The following WAC variants were observed in gnomAD, a reference collection of about 807,000 sequenced individuals.
WAC encodes the protein WW domain-containing adapter protein with coiled-coil.
Under a neutral mutation model 79.6 loss-of-function variants are expected in WAC, and 11 were observed. That is an observed-to-expected ratio of 0.14 (90% confidence interval 0.09 to 0.23). The LOEUF is 0.23. Ranked by LOEUF, WAC falls within the 10% of genes least tolerant of loss-of-function variation. The pLI is 1.00. For missense variants in WAC, 728 were observed against 773.5 expected (o/e 0.94, Z 0.70); for synonymous variants, 304 against 276.9 (o/e 1.10, Z -0.97).
chr10:28,576,768 A>ATC (rs572678484), intron 3 of WAC, among the ~76,000 whole-genome samples: 63 of 152,298 alleles, frequency 4.1e-4, no homozygotes, highest in African/African-American at 1.4e-3. Flanking sequence ...GCTCACCTTC[A>ATC]TGGAGAGCAA....
intron 7 of WAC, among the ~76,000 whole-genome samples, chr10:28,607,475 T>C (rs1841015855): frequency 6.6e-6 from 1 of 152,184 alleles, no homozygotes; most frequent in South Asian, 2.1e-4. Flanking sequence ...AGCTTTCAAA[T>C]AATTTTCCAT....
chr10:28,584,577 G>T (rs1339803705), intron 4 of WAC, among the ~76,000 whole-genome samples: 3 of 152,094 alleles, frequency 2.0e-5, no homozygotes, highest in African/African-American at 7.2e-5. Context: ...GGAAATATAG[G>T]AAAGAATGAA....
chr10:28,609,909 C>A (rs1298722033), intron 8 of WAC, among the ~76,000 whole-genome samples: 2 of 149,562 alleles, frequency 1.3e-5, no homozygotes, highest in Non-Finnish European at 3.0e-5. Flanking sequence ...ATCAAAAATA[C>A]ATGGTATTCC....
At chr10:28,585,908 C>T (rs567786682) in intron 4 of WAC, among the ~76,000 whole-genome samples, 146 of 152,102 alleles carry the variant, frequency 9.6e-4, no homozygotes, top group Middle Eastern at 3.4e-3. Flanking sequence ...AAATAATGGG[C>T]GTAGATAAGC....
Position 28,596,077 on chromosome 10 carries a change from A to G in WAC, c.919+36A>G, listed in dbSNP as rs377550855. On this transcript the variant is annotated intron_variant, in intron 7 of 13. Transcript: ENST00000354911. ...ATTACTAGATGCTGCACGTTGAACT[A>G]TAGTTTCTAAGTTTCTTCTAAGTTT... 24 of 1,565,780 alleles carry G rather than the reference A, an allele frequency of 1.5e-5. No homozygotes were observed. The Admixed American group carries it at 2.9e-4, about 19-fold the overall frequency.
intron 3 of WAC, among the ~76,000 whole-genome samples, chr10:28,564,912 C>T (rs1589162161): frequency 6.6e-6 from 1 of 152,108 alleles, no homozygotes; most frequent in African/African-American, 2.4e-5. Context: ...TGCATGAATA[C>T]GTTAAGGTGA....
intron 3 of WAC, among the ~76,000 whole-genome samples, chr10:28,552,470 A>G (rs1043026645): frequency 1.3e-5 from 2 of 151,720 alleles, no homozygotes; most frequent in African/African-American, 4.8e-5. Flanking sequence ...TCAGTGGAGG[A>G]ATGCAAGGAA....
chr10:28,611,226 G>A (rs1363564080), intron 9 of WAC: 1 of 1,279,640 alleles, frequency 7.8e-7, no homozygotes, highest in South Asian at 1.2e-5. Context: ...TGGATAATAT[G>A]GAAATGCTCA....
At chr10:28,552,006 T>A (rs1236278191) in intron 3 of WAC, among the ~76,000 whole-genome samples, 1 of 152,142 alleles carries the variant, frequency 6.6e-6, no homozygotes, top group African/African-American at 2.4e-5. Flanking sequence ...TTTGTATTTT[T>A]AGTAGAGACA....
At chr10:28,541,130 C>G (rs1254503773) in intron 3 of WAC, among the ~76,000 whole-genome samples, 1 of 151,968 alleles carries the variant, frequency 6.6e-6, no homozygotes, top group Non-Finnish European at 1.5e-5. Flanking sequence ...GAACTGTTTT[C>G]TAGTTGTGCA....
intron 3 of WAC, among the ~76,000 whole-genome samples, chr10:28,556,953 C>G (rs1334739019): frequency 1.3e-5 from 2 of 152,048 alleles, no homozygotes; most frequent in African/African-American, 4.8e-5. Context: ...TTTATTATTA[C>G]CATAGCTTTG....
At chr10:28,566,480 A>T (rs1838621705) in intron 3 of WAC, among the ~76,000 whole-genome samples, 1 of 152,198 alleles carries the variant, frequency 6.6e-6, no homozygotes, top group Non-Finnish European at 1.5e-5. Context: ...GATTTGGTGT[A>T]CACTGTCAGT....
At chr10:28,548,826 G>A (rs1411555130) in intron 3 of WAC, among the ~76,000 whole-genome samples, 1 of 152,134 alleles carries the variant, frequency 6.6e-6, no homozygotes, top group East Asian at 1.9e-4. Flanking sequence ...CACCAGCTAC[G>A]TGTATATTGA....
At position 28,596,147 on chromosome 10, in the gene WAC, TAA is replaced by T. The variant is rs971634975; in HGVS notation, c.919+111_919+112del. ...CCTTTGGCTCTGAATTATAAATTTT[TAA>T]AAAAGTCTTTTAGAATGTTTCTGTG... On this transcript the variant is annotated intron_variant, in intron 7 of 13. Coordinates refer to ENST00000354911, the MANE Select transcript of WAC (RefSeq NM_016628.5). 19 of 1,227,464 alleles carry T rather than the reference TAA, an allele frequency of 1.5e-5. No homozygotes were observed. The African/African-American group carries it at 2.2e-4, about 14-fold the overall frequency. The allele number at this position is 1,227,464 out of a possible 1,614,324, so 76.0% of individuals were successfully genotyped here.
intron 11 of WAC, chr10:28,615,205 C>G (rs748227132): frequency 6.6e-6 from 1 of 152,220 alleles, no homozygotes; most frequent in Non-Finnish European, 1.5e-5. Flanking sequence ...ATTAACAACA[C>G]AACTTTAAAT....
At chr10:28,553,160 A>G (rs962840904) in intron 3 of WAC, among the ~76,000 whole-genome samples, 4 of 152,290 alleles carry the variant, frequency 2.6e-5, no homozygotes, top group East Asian at 1.9e-4. Context: ...CTCTGGATTT[A>G]TTAGGTTTAA....
At chr10:28,561,904 A>G (rs758844737) in intron 3 of WAC, among the ~76,000 whole-genome samples, 1 of 152,180 alleles carries the variant, frequency 6.6e-6, no homozygotes, top group Admixed American at 6.5e-5. Flanking sequence ...GTTTCACCCC[A>G]AAACCATCAA....
In WAC at chr10:28,535,554, T is replaced by A; in HGVS notation, c.79-8T>A. Reference sequence around the variant, plus strand: ...TCTCTCTTTTTTTGGGGGGGTGATGTTTTACAGGCACTTAAGTATTCATCG... The same window carrying A: ...TCTCTCTTTTTTTGGGGGGGTGATGATTTACAGGCACTTAAGTATTCATCG... On this transcript the variant is annotated splice_polypyrimidine_tract_variant and splice_region_variant and intron_variant, in intron 2 of 13. Transcript: ENST00000354911. The A allele has an allele frequency of 6.4e-7, 1 of 1,562,224 alleles. No individual in the cohort carries two copies. The highest frequency in any genetic ancestry group is 8.7e-7 in the Non-Finnish European group (1 of 1,150,894).
intron 8 of WAC, among the ~76,000 whole-genome samples, chr10:28,609,831 A>T (rs979198524): frequency 2.0e-5 from 3 of 152,170 alleles, no homozygotes; most frequent in African/African-American, 7.2e-5. Flanking sequence ...CTGTGATTGC[A>T]CAACCCTGTC....
Sources: allele counts gnomAD v4.1 joint callset (sites outside exome capture counted in the v4.1 genomes callset), GRCh38; gene constraint gnomAD v4.1.1; transcripts MANE v1.5; gene names NCBI Gene and HGNC (gene_info 2026-07-23, HGNC 2026-07-21).